Variants in LRRC20 observed in about 807,000 individuals in gnomAD.
LRRC20 encodes the protein leucine rich repeat containing 20.
In LRRC20, 11 loss-of-function variants were observed where a neutral mutation model predicts 14.4. The observed-to-expected ratio is 0.77, with a 90% CI of 0.48 to 1.27. The LOEUF is 1.27. Among genes scored for constraint, LRRC20 ranks in the 50% most tolerant of loss-of-function variants. LRRC20 has a pLI of 0.00. For synonymous variants in LRRC20, 121 were observed against 107.3 expected, an observed-to-expected ratio of 1.13 and a Z score of -0.79; for missense variants, 219 against 251.2, an observed-to-expected ratio of 0.87 and a Z score of 0.87.
chr10:70,309,795 C>T (rs1841576667), intron 4 of LRRC20, among the ~76,000 whole-genome samples: 1 of 152,266 alleles, frequency 6.6e-6, no homozygotes, highest in Admixed American at 6.5e-5. Context: ...GTGGCTAGTA[C>T]TTCTGAGGAT....
chr10:70,360,689 C>T (rs1045692051), intron 2 of LRRC20, among the ~76,000 whole-genome samples: 5 of 152,124 alleles, frequency 3.3e-5, no homozygotes, highest in African/African-American at 7.2e-5. Flanking sequence ...GTGATCCTCC[C>T]GCCCTGGCCT....
chr10:70,371,175 C>G (rs1164778224), intron 2 of LRRC20, among the ~76,000 whole-genome samples: 1 of 151,760 alleles, frequency 6.6e-6, no homozygotes, highest in African/African-American at 2.4e-5. Context: ...AACTTTTTCT[C>G]GCCCAGGCTG....
rs879752690 is a variant in LRRC20 at position 70,317,358 on chromosome 10, C to CT, written c.400+6504dup. 1.2e-3 allele frequency among the ~76,000 whole-genome samples: 173 copies of CT among 148,834 alleles called. 2 individuals are homozygous for CT. The highest frequency in any genetic ancestry group is 3.7e-3 in the South Asian group (17 of 4,656). On this transcript the variant is annotated intron_variant, in intron 4 of 4. Coordinates refer to ENST00000446961, the MANE Select transcript of LRRC20 (RefSeq NM_001278212.2). ...GTCTCCCTTTCTTTTTTCCCTCTCT[C>CT]TTTTTTTTTTTAAATTGTTGTTGCT...
At chr10:70,321,969 G>A (rs959970006) in intron 4 of LRRC20, among the ~76,000 whole-genome samples, 2 of 152,226 alleles carry the variant, frequency 1.3e-5, no homozygotes, top group Admixed American at 6.5e-5. Context: ...CAAAACAGCC[G>A]ATCTTTGCTC....
Position 70,300,946 on chromosome 10 carries a change from C to G in LRRC20, c.*408G>C. Reference sequence around the variant, plus strand: ...AGCACTAAAAACAAGGCCTCAAACCCGCAGGGGCTCAGAAAATACCTGGCA... The same window carrying G: ...AGCACTAAAAACAAGGCCTCAAACCGGCAGGGGCTCAGAAAATACCTGGCA... On this transcript the variant is annotated 3_prime_UTR_variant, in exon 5 of 5. Transcript: ENST00000446961. 1 of 997,930 alleles carries G rather than the reference C, an allele frequency of 1.0e-6. No individual in the cohort carries two copies. Among genetic ancestry groups the G allele is most frequent in the South Asian group, 4.6e-5 (1 of 21,838 alleles). 61.8% of individuals were successfully genotyped at this position (997,930 alleles called of 1,614,324 possible). A position where few individuals can be genotyped will look rare whatever the true frequency, so the allele number is the denominator to read the frequency against.
intron 1 of LRRC20, among the ~76,000 whole-genome samples, chr10:70,378,571 A>G (rs1844592450): frequency 6.6e-6 from 1 of 151,794 alleles, no homozygotes; most frequent in South Asian, 2.1e-4. Flanking sequence ...CAGATCACCT[A>G]AGGTCAGGAA....
chr10:70,326,847 G>A (rs535445510), intron 3 of LRRC20, among the ~76,000 whole-genome samples: 2 of 152,282 alleles, frequency 1.3e-5, no homozygotes, highest in East Asian at 3.9e-4. Context: ...TTTTAGTAGA[G>A]ACGGGGTTTC....
intron 2 of LRRC20, among the ~76,000 whole-genome samples, chr10:70,362,482 GC>G (rs1843772472): frequency 2.0e-5 from 3 of 152,246 alleles, no homozygotes; most frequent in African/African-American, 7.2e-5. Context: ...AGACAGAACT[GC>G]TAAAGGTCAG....
At chr10:70,307,368 T>C (rs920638337) in intron 4 of LRRC20, among the ~76,000 whole-genome samples, 2 of 152,212 alleles carry the variant, frequency 1.3e-5, no homozygotes, top group Non-Finnish European at 2.9e-5. Flanking sequence ...CAAGACTGAT[T>C]GCTCTGTCAA....
chr10:70,370,326 T>C (rs958752920), intron 2 of LRRC20, among the ~76,000 whole-genome samples: 2 of 152,022 alleles, frequency 1.3e-5, no homozygotes, highest in African/African-American at 4.8e-5. Context: ...CGACCCAGGA[T>C]TACACAGATG....
intron 2 of LRRC20, among the ~76,000 whole-genome samples, chr10:70,369,316 G>A (rs1000185373): frequency 2.6e-5 from 4 of 152,128 alleles, no homozygotes; most frequent in Admixed American, 6.5e-5. Flanking sequence ...CAGCAGGGTG[G>A]ATGGGGAAAA....
intron 2 of LRRC20, among the ~76,000 whole-genome samples, chr10:70,360,891 G>A (rs1843693512): frequency 6.6e-6 from 1 of 152,180 alleles, no homozygotes; most frequent in Admixed American, 6.5e-5. Flanking sequence ...GCATGTTAAA[G>A]AGGGTATGGG....
chr10:70,346,653 A>C (rs1843081438), intron 2 of LRRC20, among the ~76,000 whole-genome samples: 1 of 152,212 alleles, frequency 6.6e-6, no homozygotes, highest in Non-Finnish European at 1.5e-5. Flanking sequence ...TTGTAATTCC[A>C]ACTAGGTATA....
chr10:70,315,053 C>T (rs1320751626), intron 4 of LRRC20, among the ~76,000 whole-genome samples: 1 of 152,120 alleles, frequency 6.6e-6, no homozygotes, highest in Non-Finnish European at 1.5e-5. Flanking sequence ...ATTTAATCTC[C>T]CTGTGCCTCG....
At chr10:70,302,466 T>C (rs1464973313) in intron 4 of LRRC20, among the ~76,000 whole-genome samples, 3 of 152,002 alleles carry the variant, frequency 2.0e-5, no homozygotes, top group African/African-American at 7.3e-5. Flanking sequence ...GAAGGGGAAG[T>C]AGGGATTTAT....
chr10:70,361,239 G>C (rs1843709944), intron 2 of LRRC20, among the ~76,000 whole-genome samples: 2 of 152,172 alleles, frequency 1.3e-5, no homozygotes, highest in South Asian at 4.1e-4. Context: ...CTCCAGAGCT[G>C]GGAAAATCAG....
chr10:70,329,425 T>A (rs1359987300), intron 3 of LRRC20, among the ~76,000 whole-genome samples: 1 of 152,214 alleles, frequency 6.6e-6, no homozygotes, highest in Non-Finnish European at 1.5e-5. Context: ...TCAAGTCTGA[T>A]GTTAGCTGTA....
At chr10:70,343,615 G>A (rs1842987125) in intron 2 of LRRC20, among the ~76,000 whole-genome samples, 1 of 152,238 alleles carries the variant, frequency 6.6e-6, no homozygotes, top group Admixed American at 6.5e-5. Context: ...GGGCTGAGCT[G>A]GAAGCAAACA....
chr10:70,374,351 CT>C (rs57167315), intron 2 of LRRC20, among the ~76,000 whole-genome samples: 97,643 of 133,040 alleles, frequency 0.73, 35,619 homozygotes, highest in Middle Eastern at 0.81. Flanking sequence ...CCTGTGAAGC[CT>C]TTTTTTTTTT....
Sources: allele counts gnomAD v4.1 joint callset (sites outside exome capture counted in the v4.1 genomes callset), GRCh38; gene constraint gnomAD v4.1.1; transcripts MANE v1.5; gene names NCBI Gene and HGNC (gene_info 2026-07-23, HGNC 2026-07-21).